DST: variants seen among roughly 807,000 people sequenced by gnomAD.
The protein encoded by DST is bullous pemphigoid antigen.
Under a neutral mutation model 875.2 loss-of-function variants are expected in DST, and 253 were observed. The observed-to-expected ratio is 0.29, with a 90% CI of 0.26 to 0.32. The LOEUF (loss-of-function observed/expected upper bound fraction) is 0.32. Among genes scored for constraint, DST ranks in the 10% least tolerant of loss-of-function variants. The probability of loss-of-function intolerance (pLI) is 1.00; values close to 1 mark genes in which losing one functional copy is unlikely to be tolerated. For missense variants in DST, 8,287 were observed against 9,111.6 expected (o/e 0.91, Z 3.68); for synonymous variants, 3,124 against 3,197.1 (o/e 0.98, Z 0.77).
chr6:56,672,015 T>C (rs1183476431), intron 9 of DST, among the ~76,000 whole-genome samples: 1 of 152,078 alleles, frequency 6.6e-6, no homozygotes, highest in East Asian at 1.9e-4. Context: ...TAACAGACTA[T>C]AAACACAACA....
At chr6:56,780,079 T>C (rs2099689579) in intron 4 of DST, among the ~76,000 whole-genome samples, 1 of 151,926 alleles carries the variant, frequency 6.6e-6, no homozygotes, top group Non-Finnish European at 1.5e-5. Flanking sequence ...GGCTGCATAG[T>C]ATTCCATGGT....
At chr6:56,559,508 T>C (rs186924302) in intron 58 of DST, among the ~76,000 whole-genome samples, 12 of 152,246 alleles carry the variant, frequency 7.9e-5, no homozygotes, top group Admixed American at 3.3e-4. Flanking sequence ...AATGGAACCA[T>C]TGAAAGTAAA....
chr6:56,616,440 C>T, intron 36 of DST: 2 of 1,614,086 alleles, frequency 1.2e-6, no homozygotes, highest in Non-Finnish European at 1.7e-6. Flanking sequence ...GTTTTAGTAT[C>T]TACTACAGAA....
rs114645135 is a variant in DST, at chr6:56,924,681, T to C, written c.217-24060A>G. ...TTAAACACAGAAAGAGAGCTAGTTT[T>C]TTTTTGGTACTGGAAACATACAAAG... On this transcript the variant is annotated intron_variant, in intron 2 of 103. Coordinates refer to ENST00000680361, the MANE Select transcript of DST (RefSeq NM_001374736.1). Among the ~76,000 whole-genome samples, 1,398 of 152,292 alleles carry C rather than the reference T, an allele frequency of 9.2e-3. 26 individuals carry two copies. Among genetic ancestry groups the C allele is most frequent in the African/African-American group, 0.032 (1,328 of 41,578 alleles).
chr6:56,665,597 AT>A (rs1350572922), intron 10 of DST, among the ~76,000 whole-genome samples: 1 of 152,162 alleles, frequency 6.6e-6, no homozygotes, highest in East Asian at 1.9e-4. Flanking sequence ...AAGGTATGTG[AT>A]GTCAAAAATA....
At chr6:56,670,879 C>A (rs935776171) in intron 9 of DST, 72 bp from the exon 10 acceptor site, 2 of 988,100 alleles carry the variant, frequency 2.0e-6, no homozygotes, top group African/African-American at 3.3e-5. Context: ...CTACTATGTG[C>A]CAAGCACTTT....
At chr6:56,738,367 C>A (rs1431682938) in intron 4 of DST, among the ~76,000 whole-genome samples, 1 of 152,192 alleles carries the variant, frequency 6.6e-6, no homozygotes, top group East Asian at 1.9e-4. Context: ...GCTGTCCAGG[C>A]TGGAGTGCAA....
At chr6:56,663,789 A>G (rs1327417282) in intron 10 of DST, among the ~76,000 whole-genome samples, 1 of 152,196 alleles carries the variant, frequency 6.6e-6, no homozygotes, top group Non-Finnish European at 1.5e-5. Context: ...TTGCTATCCA[A>G]CTACATACTC....
intron 54 of DST, among the ~76,000 whole-genome samples, chr6:56,569,447 T>C (rs954715463): frequency 2.0e-5 from 3 of 152,254 alleles, no homozygotes; most frequent in African/African-American, 7.2e-5. Context: ...GCACTATTTA[T>C]GCAGGAGATT....
intron 4 of DST, among the ~76,000 whole-genome samples, chr6:56,803,273 A>G (rs1400049341): frequency 6.6e-6 from 1 of 152,248 alleles, no homozygotes; most frequent in Admixed American, 6.5e-5. Flanking sequence ...GTCTGGATAT[A>G]GCCTATTCCT....
At chr6:56,717,859 T>C (rs1198432681) in intron 5 of DST, among the ~76,000 whole-genome samples, 2 of 123,120 alleles carry the variant, frequency 1.6e-5, no homozygotes, top group Non-Finnish European at 3.4e-5. Flanking sequence ...TGGAGAAGAC[T>C]GATTTGAGTA....
In DST at chr6:56,585,330, T is replaced by C. The variant is rs1350145544; in HGVS notation, c.12904-6393A>G. 9.2e-5 allele frequency among the ~76,000 whole-genome samples: 14 copies of C among 152,332 alleles called. No homozygotes were observed. The South Asian group carries it at 2.1e-3, about 23-fold the overall frequency. On this transcript the variant is annotated intron_variant, in intron 49 of 103. Transcript: ENST00000680361. ...TTCCTGGTTTAGTCTTGGGAGAGTG[T>C]ATGTGTCGAGGAATTTATCCATTTC...
chr6:56,855,670 A>G (rs560611752), intron 3 of DST, among the ~76,000 whole-genome samples: 5 of 152,192 alleles, frequency 3.3e-5, no homozygotes, highest in Non-Finnish European at 5.9e-5. Flanking sequence ...GCATTTATTC[A>G]TGCATTCCTT....
At chr6:56,817,336 T>C (rs2099767751) in intron 4 of DST, among the ~76,000 whole-genome samples, 1 of 152,158 alleles carries the variant, frequency 6.6e-6, no homozygotes, top group Non-Finnish European at 1.5e-5. Context: ...GAAAATAACA[T>C]AGGCTTTCTA....
rs2230864 is a variant in DST at position 56,618,979 on chromosome 6, A to G, written c.4930-4495T>C. The G allele has an allele frequency of 5.6e-3, 9,002 of 1,614,172 alleles. 417 individuals carry two copies. In the African/African-American group the frequency reaches 0.1, roughly 18 times the overall value. On this transcript the variant is annotated intron_variant, in intron 36 of 103. Coordinates refer to ENST00000680361, the MANE Select transcript of DST (RefSeq NM_001374736.1). ...CTTCTTTGGAAGCATTCAGTTCCGC[A>G]TTCAGATTTCTAACTTCTTTCTTGG... is the stretch of plus-strand genomic sequence containing the variant.
chr6:56,937,082 A>G (rs1269448976), intron 2 of DST, among the ~76,000 whole-genome samples: 1 of 152,190 alleles, frequency 6.6e-6, no homozygotes, highest in Non-Finnish European at 1.5e-5. Context: ...TTGAAAAAAA[A>G]GCAGCAGGAA....
intron 4 of DST, among the ~76,000 whole-genome samples, chr6:56,752,496 C>T (rs1474127469): frequency 1.3e-5 from 2 of 152,164 alleles, no homozygotes; most frequent in East Asian, 1.9e-4. Flanking sequence ...TACCCACCCC[C>T]ACTCCCACAG....
Position 56,851,649 on chromosome 6 carries a change from C to T in DST, c.418-45G>A, listed in dbSNP as rs768592629. 9 of 1,591,474 alleles carry T rather than the reference C, an allele frequency of 5.7e-6. No individual in the cohort carries two copies. In the East Asian group the frequency reaches 1.4e-4, roughly 24 times the overall value. Reference sequence around the variant, plus strand: ...AAAAGCATTAACAGCAAAATACTCACATATGCTCAATGATTTAAACATCTC... The same window carrying T: ...AAAAGCATTAACAGCAAAATACTCATATATGCTCAATGATTTAAACATCTC... On this transcript the variant is annotated intron_variant, in intron 3 of 103. Coordinates refer to ENST00000680361, the MANE Select transcript of DST (RefSeq NM_001374736.1).
intron 36 of DST, chr6:56,619,097 AT>A: frequency 1.2e-6 from 2 of 1,613,072 alleles, no homozygotes; most frequent in Non-Finnish European, 1.7e-6. Context: ...TAGGCATTTA[AT>A]TTTTCTTTGA....
Sources: gnomAD v4.1 joint callset for allele counts (sites outside exome capture counted in the v4.1 genomes callset) on GRCh38, gnomAD v4.1.1 for gene constraint, MANE v1.5 for transcripts, NCBI Gene and HGNC (gene_info 2026-07-23, HGNC 2026-07-21) for gene names.